The following CC2D2B variants were observed in gnomAD, a reference collection of about 807,000 sequenced individuals.
The protein encoded by CC2D2B is protein CC2D2B.
CC2D2B carries 128 observed loss-of-function variants against 161.2 expected under a neutral mutation model. That is an observed-to-expected ratio of 0.79 (90% confidence interval 0.69 to 0.92). The LOEUF (loss-of-function observed/expected upper bound fraction) is 0.92. Ranked by LOEUF, CC2D2B falls within the 40% of genes least tolerant of loss-of-function variation. The pLI, the probability that CC2D2B is intolerant of heterozygous loss-of-function variation, is 0.00. For synonymous variants in CC2D2B, 391 were observed against 449.8 expected (o/e 0.87, Z 1.65); for missense variants, 1,173 against 1,375.1 (o/e 0.85, Z 2.32).
intron 25 of CC2D2B, among the ~76,000 whole-genome samples, chr10:96,005,294 T>C (rs527308577): frequency 1.3e-5 from 2 of 152,346 alleles, no homozygotes; most frequent in African/African-American, 4.8e-5. Context: ...TGCTTTGCAT[T>C]GTTATTAGAG....
rs1177609643 is a variant in CC2D2B at position 96,019,301 on chromosome 10, C to T, written c.3729C>T (p.Pro1243=). The change falls in exon 31 of 35, where the codon CCC becomes CCT. Residue 1243 remains proline, a synonymous_variant. Coordinates refer to ENST00000646931, the MANE Select transcript of CC2D2B (RefSeq NM_001349008.3). ...ATAAGCAGTTTGACCCGTTTTGTCC[C>T]TTAAAAAGTGTAGATTGTTTGTTTG... The part of the protein sequence containing the change: ...QCYKQFDPFC[P]LKSVDCLFDD... 22 of 1,610,472 alleles carry T rather than the reference C, an allele frequency of 1.4e-5. No individual in the cohort carries two copies. The highest frequency in any genetic ancestry group is 3.4e-5 in the Admixed American group (2 of 58,994).
At chr10:96,029,260 A>ATATG (rs1252525690) in intron 34 of CC2D2B, among the ~76,000 whole-genome samples, 10 of 51,114 alleles carry the variant, frequency 2.0e-4, no homozygotes, top group East Asian at 1.0e-3. Context: ...ATATATATAT[A>ATATG]TATATATATA....
At chr10:95,965,390 TAGTAGTAGTAGC>T in intron 12 of CC2D2B, among the ~76,000 whole-genome samples, 1 of 152,062 alleles carries the variant, frequency 6.6e-6, no homozygotes, top group Non-Finnish European at 1.5e-5. Flanking sequence ...GTAGTAATAG[TAGTAGTAGTAGC>T]AGCAGCAGTG....
Position 96,026,592 on chromosome 10 carries a change from C to T in CC2D2B, c.3948-620C>T, listed in dbSNP as rs184591953. ...AGAGTAGGAATGTCAACCCAGTAATCGGATGGTAGGTGTTGTCAAATCACA... is the reference window on the plus strand; with the variant it reads ...AGAGTAGGAATGTCAACCCAGTAATTGGATGGTAGGTGTTGTCAAATCACA... On this transcript the variant is annotated intron_variant, in intron 33 of 34. Transcript: ENST00000646931. Among the ~76,000 whole-genome samples, 35 of 152,208 alleles carry T rather than the reference C, an allele frequency of 2.3e-4. No individual in the cohort carries two copies. The East Asian group carries it at 5.6e-3, about 24-fold the overall frequency.
chr10:95,925,203 C>T (rs543710157), intron 5 of CC2D2B, among the ~76,000 whole-genome samples: 75 of 152,190 alleles, frequency 4.9e-4, no homozygotes, highest in Non-Finnish European at 7.2e-4. Flanking sequence ...AGGGCTCCAC[C>T]GAAAGGGCAT....
intron 25 of CC2D2B, among the ~76,000 whole-genome samples, chr10:96,009,517 G>T (rs1417812491): frequency 6.6e-6 from 1 of 152,124 alleles, no homozygotes; most frequent in Non-Finnish European, 1.5e-5. Flanking sequence ...CACATATAGT[G>T]TAAGAGCAGG....
intron 21 of CC2D2B, among the ~76,000 whole-genome samples, chr10:95,991,721 GAAA>G (rs973614177): frequency 6.6e-6 from 1 of 152,074 alleles, no homozygotes; most frequent in Non-Finnish European, 1.5e-5. Context: ...GGGCAAGAAA[GAAA>G]AATAAAAGAA....
chr10:96,003,263 C>T (rs1009969457), intron 24 of CC2D2B, among the ~76,000 whole-genome samples: 3 of 151,792 alleles, frequency 2.0e-5, no homozygotes, highest in African/African-American at 7.3e-5. Context: ...AGTGAAAGTT[C>T]ATTGCTCATG....
intron 32 of CC2D2B, chr10:96,021,434 T>C (rs2079453426): frequency 6.6e-6 from 1 of 152,256 alleles, no homozygotes; most frequent in South Asian, 2.1e-4. Flanking sequence ...TTTACAGTTG[T>C]TCCCAATTTG....
chr10:95,997,814 C>G (rs1455740181), intron 24 of CC2D2B, among the ~76,000 whole-genome samples: 1 of 152,174 alleles, frequency 6.6e-6, no homozygotes, highest in Non-Finnish European at 1.5e-5. Flanking sequence ...TCAGGTGACA[C>G]TTTGAGAACC....
intron 11 of CC2D2B, among the ~76,000 whole-genome samples, chr10:95,960,173 A>G (rs2076712514): frequency 6.6e-6 from 1 of 152,186 alleles, no homozygotes; most frequent in South Asian, 2.1e-4. Flanking sequence ...GACTCCAAGT[A>G]TCTTGCTATC....
chr10:95,910,229 T>G (rs909206138), intron 1 of CC2D2B, among the ~76,000 whole-genome samples: 3 of 152,238 alleles, frequency 2.0e-5, no homozygotes, highest in African/African-American at 7.2e-5. Flanking sequence ...TTGCATGAAC[T>G]TGCATTTAAC....
intron 2 of CC2D2B, among the ~76,000 whole-genome samples, chr10:95,917,749 C>T (rs1483941811): frequency 6.6e-6 from 1 of 152,138 alleles, no homozygotes; most frequent in Non-Finnish European, 1.5e-5. Flanking sequence ...TCTTCTTATA[C>T]TGTCTGTGTC....
intron 5 of CC2D2B, among the ~76,000 whole-genome samples, 179 bp from the exon 6 acceptor site, chr10:95,927,058 A>C (rs1207505177): frequency 6.6e-6 from 1 of 152,118 alleles, no homozygotes; most frequent in Non-Finnish European, 1.5e-5. Context: ...AACAAAACAA[A>C]AATAAAAACT....
At chr10:95,981,286 GGAGGCT>G (rs1387824784) in intron 17 of CC2D2B, among the ~76,000 whole-genome samples, 1 of 151,856 alleles carries the variant, frequency 6.6e-6, no homozygotes, top group Non-Finnish European at 1.5e-5. Flanking sequence ...CAGCTACTCG[GGAGGCT>G]GAGGCATGAG....
intron 2 of CC2D2B, among the ~76,000 whole-genome samples, chr10:95,918,705 GTCTC>G (rs1388096937): frequency 6.6e-6 from 1 of 152,096 alleles, no homozygotes; most frequent in African/African-American, 2.4e-5. Context: ...TTCTACTCCA[GTCTC>G]TCTCTCTACC....
intron 34 of CC2D2B, among the ~76,000 whole-genome samples, chr10:96,029,946 G>A (rs2079995838): frequency 6.6e-6 from 1 of 151,630 alleles, no homozygotes; most frequent in East Asian, 1.9e-4. Context: ...GAGTAGCTGG[G>A]GCTACAGGTA....
rs919857284 is a variant in CC2D2B, at chr10:96,033,419, G to T, written c.*1411G>T. 2.6e-5 allele frequency among the ~76,000 whole-genome samples: 4 copies of T among 152,120 alleles called. No individual in the cohort carries two copies. The highest frequency in any genetic ancestry group is 9.7e-5 in the African/African-American group (4 of 41,424). Reference sequence around the variant, plus strand: ...GTGGCATGCATAAGAAAACTGATCAGAATTTTTACTTTTATTTGAATGTTT... The same window carrying T: ...GTGGCATGCATAAGAAAACTGATCATAATTTTTACTTTTATTTGAATGTTT... On this transcript the variant is annotated 3_prime_UTR_variant, in exon 35 of 35. Transcript: ENST00000646931.
intron 7 of CC2D2B, 96 bp from the exon 8 acceptor site, chr10:95,938,473 T>C: frequency 3.3e-6 from 2 of 612,734 alleles, no homozygotes; most frequent in Admixed American, 6.2e-5. Flanking sequence ...ACTTCAGTAG[T>C]AGGGTGTAAT....
Sources: allele counts gnomAD v4.1 joint callset (sites outside exome capture counted in the v4.1 genomes callset), GRCh38; gene constraint gnomAD v4.1.1; transcripts MANE v1.5; gene names NCBI Gene and HGNC (gene_info 2026-07-23, HGNC 2026-07-21).